WFDC1: variants seen among roughly 807,000 people sequenced by gnomAD.
WFDC1 encodes the protein WAP four-disulfide core domain 1.
Under a neutral mutation model 32.9 loss-of-function variants are expected in WFDC1, and 39 were observed. The ratio of observed to expected loss-of-function variants is 1.19; its 90% CI spans 0.92 to 1.55. WFDC1 has a LOEUF of 1.55. WFDC1 is among the 40% of genes most tolerant of loss of function. The pLI is 0.00. For synonymous variants in WFDC1, 184 were observed against 137.4 expected (o/e 1.34, Z -2.37); for missense variants, 386 against 309.5 (o/e 1.25, Z -1.85).
Position 84,295,223 on chromosome 16 carries a change from C to T in WFDC1, c.144+108C>T, listed in dbSNP as rs537752867. The T allele has an allele frequency of 2.5e-3, 3,571 of 1,415,230 alleles. 8 individuals carry two copies. The highest frequency in any genetic ancestry group is 3.2e-3 in the Non-Finnish European group (3,317 of 1,045,788). The allele number at this position is 1,415,230 out of a possible 1,614,324, so 87.7% of individuals were successfully genotyped here. On this transcript the variant is annotated intron_variant, in intron 1 of 6. Coordinates refer to ENST00000219454, the MANE Select transcript of WFDC1 (RefSeq NM_021197.4). ...TTCTCCTGTAAGTGCTCCCCCAAAA[C>T]GTGGCAAGGCAGGCGTCTTCCTATC...
At chr16:84,298,811 G>A (rs1406080905) in intron 1 of WFDC1, among the ~76,000 whole-genome samples, 10 of 152,158 alleles carry the variant, frequency 6.6e-5, no homozygotes, top group Non-Finnish European at 1.0e-4. Context: ...AGATGAGCAC[G>A]CTTGCCTTCC....
At chr16:84,304,361 TGG>T (rs1327935319) in intron 1 of WFDC1, among the ~76,000 whole-genome samples, 2 of 152,180 alleles carry the variant, frequency 1.3e-5, no homozygotes, top group African/African-American at 4.8e-5. Context: ...CCTGAATAGC[TGG>T]GATTATAGGC....
At chr16:84,322,695 G>A (rs1908378961) in intron 4 of WFDC1, among the ~76,000 whole-genome samples, 1 of 152,196 alleles carries the variant, frequency 6.6e-6, no homozygotes, top group South Asian at 2.1e-4. Flanking sequence ...TGACCATCCA[G>A]CACCTGGAAC....
intron 1 of WFDC1, among the ~76,000 whole-genome samples, chr16:84,308,133 C>G (rs1007995421): frequency 6.6e-6 from 1 of 152,160 alleles, no homozygotes; most frequent in African/African-American, 2.4e-5. Flanking sequence ...CAGGGGCCCC[C>G]CTCCCAGGCT....
At chr16:84,307,175 C>G (rs1567654252) in intron 1 of WFDC1, among the ~76,000 whole-genome samples, 1 of 152,058 alleles carries the variant, frequency 6.6e-6, no homozygotes, top group Non-Finnish European at 1.5e-5. Context: ...CAATTCCAGT[C>G]CGACCTCTAG....
intron 5 of WFDC1, among the ~76,000 whole-genome samples, chr16:84,325,348 G>C (rs1353694848): frequency 6.6e-6 from 1 of 151,990 alleles, no homozygotes; most frequent in Non-Finnish European, 1.5e-5. Flanking sequence ...GATTACAGGT[G>C]TCCGCCACCA....
intron 2 of WFDC1, among the ~76,000 whole-genome samples, chr16:84,313,552 T>C (rs72802672): frequency 0.14 from 21,396 of 152,256 alleles, 1,920 homozygotes; most frequent in Middle Eastern, 0.26. Flanking sequence ...GAGGCTTTTC[T>C]TTAAAATACC....
At chr16:84,309,220 G>A (rs566622335) in intron 1 of WFDC1, among the ~76,000 whole-genome samples, 239 of 152,312 alleles carry the variant, frequency 1.6e-3, no homozygotes, top group Non-Finnish European at 2.7e-3. Context: ...GACAAGGAGG[G>A]TCGGGGCGAT....
chr16:84,299,420 C>A (rs1392707521), intron 1 of WFDC1, among the ~76,000 whole-genome samples: 2 of 151,586 alleles, frequency 1.3e-5, no homozygotes, highest in African/African-American at 2.4e-5. Context: ...ATTCCAGAAC[C>A]AAATATTTAT....
intron 4 of WFDC1, 107 bp from the exon 5 acceptor site, chr16:84,324,312 G>A: frequency 2.1e-6 from 2 of 975,528 alleles, no homozygotes; most frequent in Non-Finnish European, 1.6e-6. Flanking sequence ...GTACACTAGT[G>A]AGATGGGGAG....
At chr16:84,324,840 C>A (rs1409619524) in intron 5 of WFDC1, among the ~76,000 whole-genome samples, 1 of 152,042 alleles carries the variant, frequency 6.6e-6, no homozygotes, top group Non-Finnish European at 1.5e-5. Context: ...ATCCATCTAC[C>A]CACCCATCCA....
At chr16:84,325,116 T>C (rs11149639) in intron 5 of WFDC1, among the ~76,000 whole-genome samples, 149,034 of 152,112 alleles carry the variant, frequency 0.98, 73,090 homozygotes, top group East Asian at 1. Flanking sequence ...TCCTTTCATT[T>C]ACTTACCTAT....
In WFDC1 at chr16:84,318,112, T is replaced by C. The variant is rs888208472; in HGVS notation, c.338-160T>C. The stretch of plus-strand genomic sequence containing the variant: ...GTGCCCAGCCCACAGTGAAAGGTTC[T>C]ATCACTAAAAGCAAAGGGTGAAGGT... On this transcript the variant is annotated intron_variant, in intron 2 of 6. Transcript: ENST00000219454. 14 of 660,222 alleles carry C rather than the reference T, an allele frequency of 2.1e-5. No individual in the cohort carries two copies. In the African/African-American group the frequency reaches 2.3e-4, roughly 11 times the overall value. 40.9% of individuals were successfully genotyped at this position (660,222 alleles called of 1,614,324 possible).
Position 84,308,019 on chromosome 16 carries a change from C to T in WFDC1, c.145-4942C>T, listed in dbSNP as rs1907368045. 6.6e-5 allele frequency among the ~76,000 whole-genome samples: 10 copies of T among 152,324 alleles called. No individual in the cohort carries two copies. In the South Asian group the frequency reaches 2.1e-3, roughly 32 times the overall value. ...CTCCTTAAGGCCTCGTCTCCATATC[C>T]ACCAAATGCCAGCTTAGTGGTCATT... is the stretch of plus-strand genomic sequence containing the variant. On this transcript the variant is annotated intron_variant, in intron 1 of 6. Transcript: ENST00000219454.
At chr16:84,304,807 G>A (rs1175202507) in intron 1 of WFDC1, among the ~76,000 whole-genome samples, 1 of 152,170 alleles carries the variant, frequency 6.6e-6, no homozygotes, top group Non-Finnish European at 1.5e-5. Context: ...GCAAAGAGGG[G>A]GCCAGGACAA....
At chr16:84,306,300 A>G (rs1171120429) in intron 1 of WFDC1, among the ~76,000 whole-genome samples, 1 of 152,164 alleles carries the variant, frequency 6.6e-6, no homozygotes, top group African/African-American at 2.4e-5. Context: ...TTTGATGTAT[A>G]AGAGATCATG....
intron 1 of WFDC1, among the ~76,000 whole-genome samples, chr16:84,310,763 T>G (rs1246613372): frequency 6.6e-6 from 1 of 152,216 alleles, no homozygotes; most frequent in Non-Finnish European, 1.5e-5. Context: ...AGCCGCCATA[T>G]CCTGGCGATC....
chr16:84,324,497 C>CA (rs150266820), intron 5 of WFDC1, 37 bp downstream of exon 5: 280,909 of 1,575,982 alleles, frequency 0.18, 25,634 homozygotes, highest in Non-Finnish European at 0.2. Context: ...CCAGAGGGCA[C>CA]AAAAAAAAGG....
chr16:84,324,417 A>T lies in WFDC1; in HGVS notation c.563-2A>T. 1.2e-6 allele frequency: 2 copies of T among 1,613,698 alleles called. No homozygotes were observed. The highest frequency in any genetic ancestry group is 1.7e-6 in the Non-Finnish European group (2 of 1,179,902). On this transcript the variant is annotated splice_acceptor_variant, in intron 4 of 6. Transcript: ENST00000219454. LOFTEE classifies it high-confidence loss of function. ...AGTTTTTTCCTCTCACTTGTTTTCC[A>T]GATGGGCGAATCCTACGACACAAAC... is the stretch of plus-strand genomic sequence containing the variant.
Sources: gnomAD v4.1 joint callset for allele counts (sites outside exome capture counted in the v4.1 genomes callset) on GRCh38, gnomAD v4.1.1 for gene constraint, MANE v1.5 for transcripts, NCBI Gene and HGNC (gene_info 2026-07-23, HGNC 2026-07-21) for gene names.